The following TAOK3 variants were observed in gnomAD, a reference collection of about 807,000 sequenced individuals.
The protein encoded by TAOK3 is TAO kinase 3, also known as serine/threonine-protein kinase TAO3.
A neutral mutation model predicts 120.4 loss-of-function variants in TAOK3; 40 were observed. That is an observed-to-expected ratio of 0.33 (90% CI 0.26 to 0.43). The LOEUF (loss-of-function observed/expected upper bound fraction) is 0.43, where lower values mean the gene tolerates loss of function less well. Among genes scored for constraint, TAOK3 ranks in the 20% least tolerant of loss-of-function variants. The probability of loss-of-function intolerance (pLI) is 1.00; values close to 1 mark genes in which losing one functional copy is unlikely to be tolerated. For synonymous variants in TAOK3, 355 were observed against 387.5 expected (o/e 0.92, Z 0.99); for missense variants, 821 against 1,112.1 (o/e 0.74, Z 3.72).
At chr12:118,360,329 A>T (rs2045551778) in intron 1 of TAOK3, among the ~76,000 whole-genome samples, 1 of 151,504 alleles carries the variant, frequency 6.6e-6, no homozygotes, top group South Asian at 2.1e-4. Flanking sequence ...GCACTTTGGG[A>T]GGCTGAGGCA....
chr12:118,179,257 G>T (rs1209458018), intron 15 of TAOK3, among the ~76,000 whole-genome samples: 1 of 152,156 alleles, frequency 6.6e-6, no homozygotes, highest in Non-Finnish European at 1.5e-5. Context: ...AAACACCCTG[G>T]AACTGTGTCC....
intron 9 of TAOK3, among the ~76,000 whole-genome samples, chr12:118,219,093 C>T (rs1448634929): frequency 2.0e-5 from 3 of 152,210 alleles, no homozygotes; most frequent in Non-Finnish European, 4.4e-5. Flanking sequence ...GGACTGGCTA[C>T]TTCCAGAGCC....
intron 1 of TAOK3, among the ~76,000 whole-genome samples, chr12:118,360,403 T>G (rs1424789781): frequency 6.7e-6 from 1 of 150,196 alleles, no homozygotes; most frequent in Admixed American, 6.6e-5. Context: ...TCATCTCTAC[T>G]AAAAATACAA....
chr12:118,322,334 A>AAAAC, intron 1 of TAOK3, among the ~76,000 whole-genome samples: 1 of 151,650 alleles, frequency 6.6e-6, no homozygotes. Context: ...AAAAAAAAAA[A>AAAAC]ATTGAAGAAA....
intron 1 of TAOK3, among the ~76,000 whole-genome samples, chr12:118,288,506 C>A (rs930814772): frequency 2.0e-5 from 3 of 152,114 alleles, no homozygotes; most frequent in Non-Finnish European, 4.4e-5. Flanking sequence ...TTGGCTGGCA[C>A]CTTGATCTTA....
chr12:118,236,769 T>C (rs942181049), intron 7 of TAOK3: 1 of 152,140 alleles, frequency 6.6e-6, no homozygotes, highest in Non-Finnish European at 1.5e-5. Flanking sequence ...AGTTAGGAGA[T>C]TGAATTGCCT....
intron 14 of TAOK3, among the ~76,000 whole-genome samples, chr12:118,184,206 A>G (rs2036938488): frequency 6.6e-6 from 1 of 152,206 alleles, no homozygotes; most frequent in African/African-American, 2.4e-5. Context: ...ATTTGTCACA[A>G]CTAAACTTTC....
At chr12:118,195,904 G>T (rs1431604971) in intron 13 of TAOK3, among the ~76,000 whole-genome samples, 1 of 151,948 alleles carries the variant, frequency 6.6e-6, no homozygotes, top group South Asian at 2.1e-4. Flanking sequence ...CAAAAAATTA[G>T]CCAGGTGTGG....
At chr12:118,259,899 C>T (rs1341063950) in intron 2 of TAOK3, among the ~76,000 whole-genome samples, 1 of 152,108 alleles carries the variant, frequency 6.6e-6, no homozygotes, top group Non-Finnish European at 1.5e-5. Context: ...CTGATTAGTG[C>T]ATGCATATGA....
chr12:118,300,745 G>A (rs1255894611), intron 1 of TAOK3, among the ~76,000 whole-genome samples: 1 of 151,156 alleles, frequency 6.6e-6, no homozygotes, highest in African/African-American at 2.4e-5. Context: ...CCTTTCTTAG[G>A]ACCTTCCTTT....
intron 1 of TAOK3, among the ~76,000 whole-genome samples, chr12:118,276,307 C>T (rs554129858): frequency 1.1e-3 from 175 of 152,280 alleles, no homozygotes; most frequent in Non-Finnish European, 2.0e-3. Context: ...CAACCAAATG[C>T]GCTTTGCTGC....
intron 13 of TAOK3, 66 bp downstream of exon 13, chr12:118,198,985 G>A: frequency 6.4e-7 from 1 of 1,567,346 alleles, no homozygotes; most frequent in Non-Finnish European, 8.8e-7. Flanking sequence ...TGGAAGCTAA[G>A]TGACTTGAAC....
rs553862141 is a variant in TAOK3 at position 118,302,352 on chromosome 12, C to G, written c.-193-35593G>C. On this transcript the variant is annotated intron_variant, in intron 1 of 20. Transcript: ENST00000392533. The stretch of plus-strand genomic sequence containing the variant: ...CATCTCTCTTGTCCACTGCTGAAGG[C>G]AGTCTAGAGTGCTAGGTAAGAACAT... Among the ~76,000 whole-genome samples, 8 of 152,324 alleles carry G rather than the reference C, an allele frequency of 5.3e-5. No homozygotes were observed. The East Asian group carries it at 1.3e-3, about 26-fold the overall frequency.
intron 11 of TAOK3, among the ~76,000 whole-genome samples, chr12:118,203,701 T>A (rs1226791611): frequency 2.5e-4 from 21 of 83,580 alleles, no homozygotes; most frequent in African/African-American, 7.5e-4. Context: ...TGAAACTCCA[T>A]CTCAAAAAAA....
chr12:118,310,760 T>G (rs1302745507), intron 1 of TAOK3, among the ~76,000 whole-genome samples: 1 of 152,152 alleles, frequency 6.6e-6, no homozygotes, highest in Non-Finnish European at 1.5e-5. Flanking sequence ...TTTTCTTCTG[T>G]TATAAGGGAG....
intron 19 of TAOK3, among the ~76,000 whole-genome samples, chr12:118,153,345 G>C (rs1325843173): frequency 6.6e-6 from 1 of 152,116 alleles, no homozygotes; most frequent in Non-Finnish European, 1.5e-5. Context: ...CCAGGAGTTC[G>C]AGGCTGCAGT....
Position 118,166,461 on chromosome 12 carries a change from T to G in TAOK3, c.1900-4434A>C, listed in dbSNP as rs376266005. On this transcript the variant is annotated intron_variant, in intron 17 of 20. Coordinates refer to ENST00000392533, the MANE Select transcript of TAOK3 (RefSeq NM_016281.4). ...GCTGAGGCAGGAGAATCACTTGAACTCGGGAGGCGGAGGTTGCAGTGAGCT... is the reference window on the plus strand; with the variant it reads ...GCTGAGGCAGGAGAATCACTTGAACGCGGGAGGCGGAGGTTGCAGTGAGCT... Among the ~76,000 whole-genome samples, 5 of 148,550 alleles carry G rather than the reference T, an allele frequency of 3.4e-5. No individual in the cohort carries two copies. In the East Asian group the frequency reaches 7.9e-4, roughly 24 times the overall value.
At position 118,233,726 on chromosome 12, in the gene TAOK3, C is replaced by T. The variant is rs776159844; in HGVS notation, c.591G>A (p.Gln197=). The T allele has an allele frequency of 6.2e-7, 1 of 1,609,068 alleles. No homozygotes were observed. The change falls in exon 9 of 21, where the codon CAG becomes CAA. Residue 197 remains glutamine (Q), a synonymous_variant. Transcript: ENST00000392533. ...PEVILAMDEG[Q]YDGKVDIWSL... The stretch of plus-strand genomic sequence containing the variant: ...ACCAAATATCAACTTTCCCATCATA[C>T]TGTCCTTCATCCATAGCTAAGATCA...
Position 118,217,812 on chromosome 12 carries a change from T to TATAC in TAOK3, c.644-3706_644-3703dup, listed in dbSNP as rs201354017. On this transcript the variant is annotated intron_variant, in intron 9 of 20. Coordinates refer to ENST00000392533, the MANE Select transcript of TAOK3 (RefSeq NM_016281.4). ...GTATGTATGTATGTGTGTGTGTGTGTATACATATATATATATATATATATA... is the reference window on the plus strand; with the variant it reads ...GTATGTATGTATGTGTGTGTGTGTGTATACATACATATATATATATATATATATA... Among the ~76,000 whole-genome samples the TATAC allele has an allele frequency of 1.4e-3, 62 of 43,674 alleles. 2 individuals carry two copies. The highest frequency in any genetic ancestry group is 2.4e-3 in the Non-Finnish European group (56 of 23,734). The allele number at this position is 43,674 out of a possible 152,430, so 28.7% of individuals were successfully genotyped here.
Sources: gnomAD v4.1 joint callset for allele counts (sites outside exome capture counted in the v4.1 genomes callset) on GRCh38, gnomAD v4.1.1 for gene constraint, MANE v1.5 for transcripts, NCBI Gene and HGNC (gene_info 2026-07-23, HGNC 2026-07-21) for gene names.